The following DNAH5 variants were observed in gnomAD, a reference collection of about 807,000 sequenced individuals.
DNAH5 encodes axonemal beta dynein heavy chain 5.
In DNAH5, 372 loss-of-function variants were observed where a neutral mutation model predicts 518.2. The ratio of observed to expected loss-of-function variants is 0.72; its 90% CI spans 0.66 to 0.78. The LOEUF is 0.78. Ranked by LOEUF, DNAH5 falls within the 30% of genes least tolerant of loss-of-function variation. The probability of loss-of-function intolerance (pLI) is 0.00; values close to 1 mark genes in which losing one functional copy is unlikely to be tolerated. For missense variants in DNAH5, 5,523 were observed against 5,687.0 expected, an observed-to-expected ratio of 0.97 and a Z score of 0.93; for synonymous variants, 2,039 against 2,025.9, an observed-to-expected ratio of 1.01 and a Z score of -0.17.
chr5:13,875,465 CAAAAAAAA>C (rs70964513), intron 22 of DNAH5, among the ~76,000 whole-genome samples: 11 of 106,000 alleles, frequency 1.0e-4, no homozygotes, highest in East Asian at 5.8e-4. Flanking sequence ...GAAACTCCTT[CAAAAAAAA>C]AAAAAAAAAA....
chr5:13,886,704 G>A (rs1223449749), intron 17 of DNAH5, among the ~76,000 whole-genome samples: 5 of 152,214 alleles, frequency 3.3e-5, no homozygotes, highest in Non-Finnish European at 7.3e-5. Context: ...TGAAACAACA[G>A]ACTGTCAGTT....
At chr5:13,890,882 G>T (rs749435839) in intron 17 of DNAH5, 94 bp downstream of exon 17, 38 of 1,435,504 alleles carry the variant, frequency 2.6e-5, no homozygotes, top group Non-Finnish European at 3.1e-5. Flanking sequence ...TGCAAGTAGA[G>T]AAAAAAATCT....
chr5:13,948,151 C>T (rs913798901), upstream of DNAH5, among the ~76,000 whole-genome samples: 1 of 152,174 alleles, frequency 6.6e-6, no homozygotes, highest in African/African-American at 2.4e-5. Flanking sequence ...TTCACTGTCA[C>T]CTTCTGGGAA....
chr5:14,011,421 T>G lies in DNAH5; in HGVS notation c.12+227A>C, dbSNP rs115772211. 8.5e-3 allele frequency among the ~76,000 whole-genome samples: 1,290 copies of G among 152,098 alleles called. 20 individuals are homozygous for G. The highest frequency in any genetic ancestry group is 0.029 in the African/African-American group (1,209 of 41,518). ...GTAGGCGTGATTGACAACTACCCCC[T>G]GAGGAAAAAAACGTGCGAAATTCCA... On this transcript the variant is annotated intron_variant, in intron 1 of 78. Coordinates refer to the DNAH5 transcript ENST00000681290.
Position 13,691,897 on chromosome 5 carries a change from A to G in DNAH5, c.*87T>C. On this transcript the variant is annotated 3_prime_UTR_variant, in exon 79 of 79. Coordinates refer to ENST00000265104, the MANE Select transcript of DNAH5 (RefSeq NM_001369.3). ...TAATTGCATAAACGACCTAACATAC[A>G]CTGTCCAGCAGTCATACAGAAATAA... 1.3e-6 allele frequency: 2 copies of G among 1,551,424 alleles called. No individual in the cohort carries two copies. The highest frequency in any genetic ancestry group is 2.2e-5 in the South Asian group (2 of 89,040).
intron 44 of DNAH5, among the ~76,000 whole-genome samples, chr5:13,810,765 C>CAAAAA (rs552513435): frequency 6.8e-6 from 1 of 146,316 alleles, no homozygotes; most frequent in African/African-American, 2.6e-5. Context: ...AAAAACAAAA[C>CAAAAA]AAACAAACAA....
At chr5:13,804,456 A>G (rs1369690383) in intron 47 of DNAH5, among the ~76,000 whole-genome samples, 2 of 152,222 alleles carry the variant, frequency 1.3e-5, no homozygotes, top group East Asian at 3.8e-4. Context: ...TACGTGGGAG[A>G]TGCAGAGACA....
intron 22 of DNAH5, among the ~76,000 whole-genome samples, chr5:13,875,647 T>C (rs1354934628): frequency 6.6e-6 from 1 of 152,160 alleles, no homozygotes; most frequent in African/African-American, 2.4e-5. Flanking sequence ...CTTGAAAATA[T>C]TTCTGAATGT....
chr5:13,813,926 A>C (rs1214114621), intron 43 of DNAH5, among the ~76,000 whole-genome samples: 1 of 152,224 alleles, frequency 6.6e-6, no homozygotes, highest in Non-Finnish European at 1.5e-5. Flanking sequence ...AAAATATTCA[A>C]TATAACCAAC....
rs1756492637 is a variant in DNAH5, at chr5:13,788,819, T to C, written c.8544A>G (p.Val2848=). 1.2e-6 allele frequency: 2 copies of C among 1,614,104 alleles called. No homozygotes were observed. The highest frequency in any genetic ancestry group is 2.2e-5 in the South Asian group (2 of 91,082). ...SDVTWFDKAL[V]SLVEEEFGEE... is the part of the protein sequence containing the mutation. ...CACCAAACTCCTCCTCTACCAAACT[T>C]ACTAAAGCCTTATCAAACCAGGTCA... Residue 2848 remains valine, a synonymous_variant, in exon 51 of 79, where the codon GTA becomes GTG. Transcript: ENST00000265104.
At chr5:13,903,117 A>T (rs56373342) in intron 12 of DNAH5, among the ~76,000 whole-genome samples, 2,320 of 152,244 alleles carry the variant, frequency 0.015, 67 homozygotes, top group African/African-American at 0.053. Flanking sequence ...AACAGAAATC[A>T]TAAAAAGAAC....
intron 76 of DNAH5, among the ~76,000 whole-genome samples, chr5:13,705,802 T>C (rs1742707211): frequency 6.6e-6 from 1 of 150,836 alleles, no homozygotes; most frequent in Non-Finnish European, 1.5e-5. Context: ...GGGAAGATGA[T>C]GTGAATGTAC....
intron 1 of DNAH5, among the ~76,000 whole-genome samples, chr5:13,994,616 T>C (rs1252276290): frequency 6.6e-6 from 1 of 152,134 alleles, no homozygotes; most frequent in African/African-American, 2.4e-5. Context: ...CATTCTTCAG[T>C]AGTATTGCTA....
At chr5:13,805,281 T>G (rs1442449352) in intron 47 of DNAH5, among the ~76,000 whole-genome samples, 1 of 152,058 alleles carries the variant, frequency 6.6e-6, no homozygotes, top group African/African-American at 2.4e-5. Flanking sequence ...GGGCAGATCA[T>G]GAGGTCAAGA....
At chr5:13,859,864 C>T (rs1049443705) in intron 29 of DNAH5, among the ~76,000 whole-genome samples, 1 of 152,138 alleles carries the variant, frequency 6.6e-6, no homozygotes, top group African/African-American at 2.4e-5. Context: ...AGGCATTAGA[C>T]TTGATTCCAC....
At chr5:13,695,288 A>T (rs568391094) in intron 78 of DNAH5, among the ~76,000 whole-genome samples, 3 of 152,164 alleles carry the variant, frequency 2.0e-5, no homozygotes, top group Non-Finnish European at 4.4e-5. Flanking sequence ...CAGGGGCACG[A>T]GCACTTTTCA....
intron 17 of DNAH5, among the ~76,000 whole-genome samples, chr5:13,887,909 T>A (rs1453662685): frequency 6.6e-6 from 1 of 152,088 alleles, no homozygotes. Flanking sequence ...CCCCTAATGC[T>A]ACTCGGGAAT....
At chr5:13,886,274 C>A in intron 17 of DNAH5, 145 bp from the exon 18 acceptor site, 1 of 822,942 alleles carries the variant, frequency 1.2e-6, no homozygotes, top group Non-Finnish European at 1.9e-6. Flanking sequence ...ACATCCTTCA[C>A]AATAGCACAG....
chr5:13,859,713 T>A, intron 29 of DNAH5, 108 bp from the exon 30 acceptor site: 1 of 1,044,250 alleles, frequency 9.6e-7, no homozygotes, highest in Non-Finnish European at 1.5e-6. Flanking sequence ...CTTTACAACC[T>A]TAATTATGTT....
Sources: gnomAD v4.1 joint callset for allele counts (sites outside exome capture counted in the v4.1 genomes callset) on GRCh38, gnomAD v4.1.1 for gene constraint, MANE v1.5 for transcripts, NCBI Gene and HGNC (gene_info 2026-07-23, HGNC 2026-07-21) for gene names.